TMEM116: variants seen among roughly 807,000 people sequenced by gnomAD.
TMEM116 encodes transmembrane protein 116.
TMEM116 carries 38 observed loss-of-function variants against 44.3 expected under a neutral mutation model. The ratio of observed to expected loss-of-function variants is 0.86; its 90% CI spans 0.66 to 1.12. TMEM116 has a LOEUF of 1.12. TMEM116 is among the 50% of genes most tolerant of loss of function. The probability of loss-of-function intolerance (pLI) is 0.00; values close to 1 mark genes in which losing one functional copy is unlikely to be tolerated. For synonymous variants in TMEM116, 132 were observed against 144.8 expected, an observed-to-expected ratio of 0.91 and a Z score of 0.64; for missense variants, 354 against 401.7, an observed-to-expected ratio of 0.88 and a Z score of 1.01.
chr12:111,969,007 A>AG (rs1374734563), intron 4 of TMEM116, among the ~76,000 whole-genome samples: 3 of 150,510 alleles, frequency 2.0e-5, no homozygotes, highest in African/African-American at 7.3e-5. Flanking sequence ...AAAAAAAAAA[A>AG]AAAAAAGAAA....
chr12:111,931,858 T>A (rs771536343), intron 10 of TMEM116, 31 bp from the exon 11 acceptor site: 42 of 1,453,230 alleles, frequency 2.9e-5, no homozygotes, highest in Non-Finnish European at 3.9e-5. Flanking sequence ...ATGCAGCCCA[T>A]GCTTCAGGTT....
chr12:111,996,115 C>CT (rs774570511), intron 3 of TMEM116, among the ~76,000 whole-genome samples: 42 of 149,158 alleles, frequency 2.8e-4, no homozygotes, highest in African/African-American at 9.4e-4. Context: ...AACTGTAAAC[C>CT]TTTTTTTTAC....
At position 111,945,319 on chromosome 12, in the gene TMEM116, G is replaced by A. The variant is rs1203497583; in HGVS notation, c.211-1950C>T. On this transcript the variant is annotated intron_variant, in intron 4 of 10. Coordinates refer to ENST00000552374, the MANE Select transcript of TMEM116 (RefSeq NM_001193531.2). ...AGATCGAGCCATTGCACTCCAGCCT[G>A]GGCAACAGAGCTAGACTCCATCTCA... Among the ~76,000 whole-genome samples the A allele has an allele frequency of 4.5e-5, 6 of 133,110 alleles. No homozygotes were observed. The Admixed American group carries it at 4.9e-4, about 11-fold the overall frequency. 87.3% of individuals were successfully genotyped at this position (133,110 alleles called of 152,430 possible). A position where few individuals can be genotyped will look rare whatever the true frequency, so the allele number is the denominator to read the frequency against.
intron 1 of TMEM116, among the ~76,000 whole-genome samples, chr12:112,008,197 A>G (rs1306257111): frequency 1.3e-5 from 2 of 152,122 alleles, no homozygotes; most frequent in Non-Finnish European, 2.9e-5. Context: ...AAAAAGAAAA[A>G]AAAGGCTGGG....
rs144417173 is a variant in TMEM116, at chr12:112,005,209, C to G, written c.14+48G>C. ...GAAATGTGGAAAACTACAGAATTGA[C>G]GAACTTTGCTTATACTAGTTTAGTT... On this transcript the variant is annotated intron_variant, in intron 2 of 10. Transcript: ENST00000552374. The G allele has an allele frequency of 3.9e-6, 5 of 1,293,412 alleles. No homozygotes were observed. The African/African-American group carries it at 7.8e-5, about 20-fold the overall frequency. 80.1% of individuals were successfully genotyped at this position (1,293,412 alleles called of 1,614,324 possible).
At chr12:111,983,906 C>G (rs141391336) in intron 4 of TMEM116, among the ~76,000 whole-genome samples, 27 of 152,244 alleles carry the variant, frequency 1.8e-4, no homozygotes, top group Non-Finnish European at 3.5e-4. Flanking sequence ...CTGATGAATA[C>G]TGTTGCAAAA....
At chr12:111,999,404 T>G (rs2136683852) in intron 3 of TMEM116, among the ~76,000 whole-genome samples, 1 of 152,190 alleles carries the variant, frequency 6.6e-6, no homozygotes, top group South Asian at 2.1e-4. Context: ...AACACCAGCT[T>G]GACCAACATG....
intron 4 of TMEM116, among the ~76,000 whole-genome samples, chr12:111,950,317 A>G (rs1156972654): frequency 6.6e-6 from 1 of 152,108 alleles, no homozygotes; most frequent in African/African-American, 2.4e-5. Flanking sequence ...ATCTTTCCCC[A>G]GAAACAATGG....
intron 4 of TMEM116, among the ~76,000 whole-genome samples, chr12:111,985,871 G>A (rs2076200709): frequency 6.6e-6 from 1 of 152,062 alleles, no homozygotes; most frequent in African/African-American, 2.4e-5. Flanking sequence ...CGCTGGGATT[G>A]TAGGCATGAG....
intron 4 of TMEM116, among the ~76,000 whole-genome samples, chr12:111,962,906 A>G (rs1282506089): frequency 6.6e-6 from 1 of 152,214 alleles, no homozygotes; most frequent in African/African-American, 2.4e-5. Context: ...AAATTTTTGC[A>G]ATCTATCCAT....
chr12:111,944,444 G>A (rs1192424832), intron 4 of TMEM116, among the ~76,000 whole-genome samples: 1 of 151,954 alleles, frequency 6.6e-6, no homozygotes, highest in Non-Finnish European at 1.5e-5. Context: ...CAGATCATGA[G>A]GTTGAGATCG....
intron 4 of TMEM116, among the ~76,000 whole-genome samples, chr12:111,952,419 C>G (rs1371724848): frequency 6.6e-6 from 1 of 152,156 alleles, no homozygotes; most frequent in Non-Finnish European, 1.5e-5. Context: ...TCTGGAAAAG[C>G]TGAGACCCAT....
At chr12:112,000,391 T>C (rs541871837) in intron 3 of TMEM116, among the ~76,000 whole-genome samples, 1 of 152,198 alleles carries the variant, frequency 6.6e-6, no homozygotes, top group Non-Finnish European at 1.5e-5. Context: ...AAATGAGAGA[T>C]AGAAAAATAA....
At chr12:111,968,230 C>T (rs551264256) in intron 4 of TMEM116, among the ~76,000 whole-genome samples, 1 of 152,164 alleles carries the variant, frequency 6.6e-6, no homozygotes, top group Admixed American at 6.5e-5. Context: ...ATGGTGCCAA[C>T]AATAGTGCCT....
intron 5 of TMEM116, among the ~76,000 whole-genome samples, chr12:111,943,052 G>T (rs2072992402): frequency 6.6e-6 from 1 of 151,818 alleles, no homozygotes; most frequent in South Asian, 2.1e-4. Flanking sequence ...CCCCGGAGTA[G>T]CTAGGACTCC....
Position 111,931,531 on chromosome 12 carries a change from A to G in TMEM116, c.*90T>C. The G allele has an allele frequency of 7.7e-7, 1 of 1,298,524 alleles. No homozygotes were observed. Among genetic ancestry groups the G allele is most frequent in the South Asian group, 1.2e-5 (1 of 80,956 alleles). The allele number at this position is 1,298,524 out of a possible 1,614,324, so 80.4% of individuals were successfully genotyped here. A position where few individuals can be genotyped will look rare whatever the true frequency, so the allele number is the denominator to read the frequency against. On this transcript the variant is annotated 3_prime_UTR_variant, in exon 11 of 11. Coordinates refer to ENST00000552374, the MANE Select transcript of TMEM116 (RefSeq NM_001193531.2). Reference sequence around the variant, plus strand: ...GAGTTCTGCAGTTTAGGGCATAGTTAGAAAAGATTTAAGATGTCCTTTCCC... The same window carrying G: ...GAGTTCTGCAGTTTAGGGCATAGTTGGAAAAGATTTAAGATGTCCTTTCCC...
At chr12:111,993,245 G>A (rs1045520800) in intron 3 of TMEM116, 12 of 437,960 alleles carry the variant, frequency 2.7e-5, no homozygotes, top group Non-Finnish European at 5.6e-5. Flanking sequence ...TCATTCCCCT[G>A]GGTTTAGTGA....
At chr12:112,006,941 A>G (rs1486537893) in intron 1 of TMEM116, among the ~76,000 whole-genome samples, 2 of 152,180 alleles carry the variant, frequency 1.3e-5, no homozygotes, top group Admixed American at 1.3e-4. Flanking sequence ...AGTCCAAAAC[A>G]AAACAAAACA....
intron 1 of TMEM116, 113 bp downstream of exon 1, chr12:112,012,889 C>T (rs984913909): frequency 6.5e-6 from 1 of 154,044 alleles, no homozygotes; most frequent in Admixed American, 6.5e-5. Flanking sequence ...GCCACACTGA[C>T]CGCCAAGCCT....
Sources: gnomAD v4.1 joint callset for allele counts (sites outside exome capture counted in the v4.1 genomes callset) on GRCh38, gnomAD v4.1.1 for gene constraint, MANE v1.5 for transcripts, NCBI Gene and HGNC (gene_info 2026-07-23, HGNC 2026-07-21) for gene names.